The following TRRAP variants were observed in gnomAD, a reference collection of about 807,000 sequenced individuals.
TRRAP encodes transformation/transcription domain associated protein.
TRRAP carries 41 observed loss-of-function variants against 438.8 expected under a neutral mutation model. The observed-to-expected ratio is 0.09, with a 90% CI of 0.07 to 0.12. The LOEUF (loss-of-function observed/expected upper bound fraction) is 0.12, where lower values mean the gene tolerates loss of function less well. TRRAP is among the 10% of genes least tolerant of loss of function. The pLI, the probability that TRRAP is intolerant of heterozygous loss-of-function variation, is 1.00. For missense variants in TRRAP, 3,122 were observed against 5,055.1 expected (o/e 0.62, Z 11.60); for synonymous variants, 1,994 against 1,962.9 (o/e 1.02, Z -0.42).
chr7:98,911,924 A>G, intron 17 of TRRAP, 98 bp from the exon 18 acceptor site: 1 of 1,104,866 alleles, frequency 9.1e-7, no homozygotes, highest in Non-Finnish European at 1.3e-6. Context: ...AATGTGTGAT[A>G]CAGGCTTGGT....
chr7:98,893,903 T>C (rs1554405358), intron 6 of TRRAP, 22 bp downstream of exon 6: 8 of 1,608,818 alleles, frequency 5.0e-6, no homozygotes, highest in Admixed American at 1.7e-5. Flanking sequence ...AAAATCCTTA[T>C]AGCATTTATA....
At chr7:98,885,672 A>G (rs1795664736) in intron 3 of TRRAP, among the ~76,000 whole-genome samples, 1 of 151,926 alleles carries the variant, frequency 6.6e-6, no homozygotes, top group Non-Finnish European at 1.5e-5. Context: ...TTTAAAATAT[A>G]TATATATATA....
intron 12 of TRRAP, among the ~76,000 whole-genome samples, chr7:98,905,286 A>G (rs1217182318): frequency 6.6e-6 from 1 of 152,146 alleles, no homozygotes; most frequent in African/African-American, 2.4e-5. Context: ...CTGGCTGTGC[A>G]GTTACCTAGA....
intron 6 of TRRAP, 51 bp from the exon 7 acceptor site, chr7:98,895,713 A>G: frequency 1.4e-6 from 2 of 1,467,376 alleles, no homozygotes; most frequent in South Asian, 1.3e-5. Flanking sequence ...TATTATGGGT[A>G]TTTTCTGTTT....
chr7:98,884,567 G>A (rs1795607557), intron 3 of TRRAP, among the ~76,000 whole-genome samples: 1 of 152,164 alleles, frequency 6.6e-6, no homozygotes, highest in Non-Finnish European at 1.5e-5. Flanking sequence ...GTACATTGTG[G>A]TGAGCTTCAG....
rs1554417324 is a variant in TRRAP, at chr7:98,948,175, T to C, written c.4549-46T>C. On this transcript the variant is annotated intron_variant, in intron 33 of 72. Transcript: ENST00000456197. This position sits in a 1 kb window ranked among gnomAD's most constrained non-coding sequence, Gnocchi z 4.9. ...TGTAGTGACGTTGACCTCTGTCACT[T>C]GCAAAATTAATCGACCTGTTTATAA... 5 of 1,610,816 alleles carry C rather than the reference T, an allele frequency of 3.1e-6. No homozygotes were observed. Among genetic ancestry groups the C allele is most frequent in the African/African-American group, 2.7e-5 (2 of 74,912 alleles).
At chr7:98,898,347 G>A (rs1554406115) in intron 8 of TRRAP, among the ~76,000 whole-genome samples, 1 of 152,146 alleles carries the variant, frequency 6.6e-6, no homozygotes. Context: ...CCTGTCTCAC[G>A]GACTTTGTGA....
At chr7:98,891,205 T>A (rs4466331) in intron 4 of TRRAP, among the ~76,000 whole-genome samples, 6,155 of 72,420 alleles carry the variant, frequency 0.085, 198 homozygotes, top group East Asian at 0.2. Flanking sequence ...ATATATATAT[T>A]TTTTTTTTTT....
intron 67 of TRRAP, among the ~76,000 whole-genome samples, chr7:99,001,794 G>A (rs1230484380): frequency 2.0e-5 from 3 of 152,172 alleles, no homozygotes; most frequent in Non-Finnish European, 4.4e-5. Flanking sequence ...CAGAAATGGC[G>A]CACTCCATTT....
chr7:98,905,294 A>G (rs1445894094), intron 12 of TRRAP, among the ~76,000 whole-genome samples: 1 of 152,164 alleles, frequency 6.6e-6, no homozygotes, highest in Non-Finnish European at 1.5e-5. Flanking sequence ...GCAGTTACCT[A>G]GAGATGTGCA....
At position 98,981,933 on chromosome 7, in the gene TRRAP, G is replaced by A. The variant is rs1414565623; in HGVS notation, c.8799G>A (p.Val2933=). Residue 2933 remains valine (V), a synonymous_variant, in exon 59 of 73, where the codon GTG becomes GTA. Transcript: ENST00000456197. ...AGTGGCGGCGGCTGCCCCACGTAGTGTCCCACGTGCACACGCCTCTCCTAC... is the reference window on the plus strand; with the variant it reads ...AGTGGCGGCGGCTGCCCCACGTAGTATCCCACGTGCACACGCCTCTCCTAC... ...IREWRRLPHV[V]SHVHTPLLQA... 1.7e-5 allele frequency: 27 copies of A among 1,605,650 alleles called. No homozygotes were observed. Among genetic ancestry groups the A allele is most frequent in the Non-Finnish European group, 2.3e-5 (27 of 1,177,604 alleles).
chr7:98,914,052 A>G (rs926738835), intron 18 of TRRAP, among the ~76,000 whole-genome samples: 2 of 152,170 alleles, frequency 1.3e-5, no homozygotes, highest in African/African-American at 4.8e-5. Flanking sequence ...TCACAGTTCT[A>G]TAGTAATTAC....
chr7:98,948,632 C>T lies in TRRAP; in HGVS notation c.4735C>T (p.Leu1579=). ...LTRHPSQTVE[L]FMMEATLNDP... ...TCGACATCCCTCGCAGACAGTGGAG[C>T]TGTTCATGATGGAAGCCACACTGAA... is the stretch of plus-strand genomic sequence containing the variant. Residue 1579 remains leucine, a synonymous_variant, in exon 35 of 73, where the codon CTG becomes TTG. Coordinates refer to ENST00000456197, the MANE Select transcript of TRRAP (RefSeq NM_001375524.1). The surrounding 1 kb of genome is among the most constrained non-coding windows in gnomAD (Gnocchi z 4.9). 1 of 1,614,212 alleles carries T rather than the reference C, an allele frequency of 6.2e-7. No individual in the cohort carries two copies. The highest frequency in any genetic ancestry group is 1.1e-5 in the South Asian group (1 of 91,086).
At chr7:98,921,667 C>A in intron 20 of TRRAP, 86 bp from the exon 21 acceptor site, 4 of 1,560,322 alleles carry the variant, frequency 2.6e-6, no homozygotes, top group South Asian at 1.1e-5. Context: ...TGAGCCACTA[C>A]GCCTGGCCTC....
intron 67 of TRRAP, among the ~76,000 whole-genome samples, 154 bp downstream of exon 67, chr7:98,995,002 T>C (rs901298119): frequency 6.6e-6 from 1 of 152,200 alleles, no homozygotes; most frequent in Non-Finnish European, 1.5e-5. Context: ...TCAGAGTGCA[T>C]AGCTGAGACC....
intron 3 of TRRAP, among the ~76,000 whole-genome samples, chr7:98,886,143 G>T (rs191383779): frequency 1.3e-5 from 2 of 152,138 alleles, no homozygotes; most frequent in Admixed American, 1.3e-4. Flanking sequence ...AAATCTAGCC[G>T]AGCATGGTGG....
chr7:98,937,673 A>C lies in TRRAP; in HGVS notation c.4257A>C (p.Glu1419Asp). ...AGTTTTTAGAAGGTGCTACCATAGA[A>C]GTCGATCAAATCCACACACATATGC... ...MRKFLEGATI[E>D]VDQIHTHMRP... Residue 1419 changes from glutamate to aspartate, a missense_variant, in exon 30 of 73, where the codon GAA becomes GAC. Around this residue, in one of 24 missense-constraint regions of TRRAP, gnomAD observed 108 missense variants for 256.9 expected, o/e 0.42. Transcript: ENST00000456197. 6.2e-7 allele frequency: 1 copy of C among 1,610,444 alleles called. No homozygotes were observed. The highest frequency in any genetic ancestry group is 8.5e-7 in the Non-Finnish European group (1 of 1,178,932).
intron 30 of TRRAP, among the ~76,000 whole-genome samples, chr7:98,941,248 T>C (rs1790783155): frequency 6.6e-6 from 1 of 152,160 alleles, no homozygotes; most frequent in African/African-American, 2.4e-5. Context: ...TGATCATAGC[T>C]CACTGCAACC....
intron 26 of TRRAP, among the ~76,000 whole-genome samples, chr7:98,932,374 A>G (rs1216619764): frequency 6.6e-6 from 1 of 152,168 alleles, no homozygotes; most frequent in Non-Finnish European, 1.5e-5. Flanking sequence ...TGGCCTCCCA[A>G]AGTGCTGGGA....
Sources: gnomAD v4.1 joint callset for allele counts (sites outside exome capture counted in the v4.1 genomes callset) on GRCh38, gnomAD v4.1.1 for gene constraint, gnomAD v4.1.1 regional missense constraint, Gnocchi (gnomAD v3.1) non-coding constraint, MANE v1.5 for transcripts, NCBI Gene and HGNC (gene_info 2026-07-23, HGNC 2026-07-21) for gene names.